The following KLK9 variants were observed in gnomAD, a reference collection of about 807,000 sequenced individuals.
KLK9 encodes kallikrein related peptidase 9, also known as kallikrein-9.
In KLK9, 26 loss-of-function variants were observed where a neutral mutation model predicts 23.3. That is an observed-to-expected ratio of 1.12 (90% CI 0.82 to 1.55). KLK9 has a LOEUF of 1.55. Among genes scored for constraint, KLK9 ranks in the 40% most tolerant of loss-of-function variants. The pLI is 0.00. For missense variants in KLK9, 346 were observed against 333.7 expected, an observed-to-expected ratio of 1.04 and a Z score of -0.29; for synonymous variants, 122 against 128.5, an observed-to-expected ratio of 0.95 and a Z score of 0.34.
At position 51,003,117 on chromosome 19, in the gene KLK9, C is replaced by G. The variant is rs200431645; in HGVS notation, c.747G>C (p.Glu249Asp). 1.9e-6 allele frequency: 3 copies of G among 1,608,820 alleles called. No individual in the cohort carries two copies. In the East Asian group the frequency reaches 6.7e-5, roughly 36 times the overall value. Residue 249 changes from glutamate to aspartate, a missense_variant, in exon 5 of 5, where the codon GAG (glutamate) becomes GAC (aspartate). By Grantham distance (45) the Glu-to-Asp change is conservative. Coordinates refer to ENST00000594211, the MANE Select transcript of KLK9 (RefSeq NM_012315.2). ...HYLDWIQEIMEN is the reference protein window; with the variant it reads ...HYLDWIQEIMDN ...GCCCCCGTGGCGCGCGGGCTCAGTTCTCCATGATTTCTTGGATCCAGTCAA... is the reference window on the plus strand; with the variant it reads ...GCCCCCGTGGCGCGCGGGCTCAGTTGTCCATGATTTCTTGGATCCAGTCAA...
At position 51,009,463 on chromosome 19, in the gene KLK9, C is replaced by G; in HGVS notation, c.43+42G>C. On this transcript the variant is annotated intron_variant, in intron 1 of 4. Transcript: ENST00000594211. The surrounding 1 kb of genome is among the most constrained non-coding windows in gnomAD (Gnocchi z 4.8). ...GGATGGGAGGGAAGAGCAAGGTGAC[C>G]TTAGTACAGCCGTGAAGGGGCAGCC... 6.3e-7 allele frequency: 1 copy of G among 1,589,348 alleles called. No individual in the cohort carries two copies. The highest frequency in any genetic ancestry group is 8.6e-7 in the Non-Finnish European group (1 of 1,167,934).
Position 51,009,192 on chromosome 19 carries a change from C to A in KLK9, c.191G>T (p.Cys64Phe). 6.2e-7 allele frequency: 1 copy of A among 1,606,946 alleles called. No homozygotes were observed. Among genetic ancestry groups the A allele is most frequent in the African/African-American group, 1.3e-5 (1 of 74,902 alleles). Residue 64 changes from cysteine to phenylalanine, a missense_variant, in exon 2 of 5, where the codon TGC (cysteine) becomes TTC (phenylalanine). By Grantham distance (205) the Cys-to-Phe change is radical. Transcript: ENST00000594211. This position sits in a 1 kb window ranked among gnomAD's most constrained non-coding sequence, Gnocchi z 4.8. ...AGCCTGGGTCACTCACGGCTTGCGG[C>A]AGTGGGCAGCTGTGAGCAGCCAGCG... Reference protein sequence around the residue: ...SDRWLLTAAHCRKPYLWVRLG... With the variant: ...SDRWLLTAAHFRKPYLWVRLG...
At chr19:51,004,119 C>A (rs546310415) in intron 3 of KLK9, among the ~76,000 whole-genome samples, 6 of 151,904 alleles carry the variant, frequency 3.9e-5, no homozygotes, top group African/African-American at 1.4e-4. Flanking sequence ...GCCGGCGGAT[C>A]GCTTGAGGTC....
rs150052150 is a variant in KLK9, at chr19:51,008,054, G to C, written c.200+1129C>G. Reference sequence around the variant, plus strand: ...GACAAAAAGACTAGAATTTTGGCTGGGCGCGGTGGCTCACGCCTGTAATCC... The same window carrying C: ...GACAAAAAGACTAGAATTTTGGCTGCGCGCGGTGGCTCACGCCTGTAATCC... On this transcript the variant is annotated intron_variant, in intron 2 of 4. Transcript: ENST00000594211. Among the ~76,000 whole-genome samples the C allele has an allele frequency of 2.8e-4, 42 of 151,976 alleles. No individual in the cohort carries two copies. The East Asian group carries it at 5.6e-3, about 20-fold the overall frequency.
At position 51,006,710 on chromosome 19, in the gene KLK9, G is replaced by A. The variant is rs201756678; in HGVS notation, c.214C>T (p.Arg72Cys). ...TTCCAGAGGTGGTGCTCTCCAAGGC[G>A]GACCCACAGATACCTGCTGGGACAG... is the stretch of plus-strand genomic sequence containing the variant. The part of the protein sequence containing the change: ...AHCRKPYLWV[R>C]LGEHHLWKWE... Residue 72 changes from arginine to cysteine, a missense_variant, in exon 3 of 5, where the codon CGC (arginine) becomes TGC (cysteine). By Grantham distance (180) the Arg-to-Cys change is radical. Coordinates refer to ENST00000594211, the MANE Select transcript of KLK9 (RefSeq NM_012315.2). This position sits in a 1 kb window ranked among gnomAD's most constrained non-coding sequence, Gnocchi z 4.1. The A allele has an allele frequency of 1.2e-4, 190 of 1,587,762 alleles. 3 individuals are homozygous for A. Among genetic ancestry groups the A allele is most frequent in the Middle Eastern group, 3.4e-4 (2 of 5,934 alleles).
chr19:51,008,473 C>T (rs973302324), intron 2 of KLK9, among the ~76,000 whole-genome samples: 8 of 151,580 alleles, frequency 5.3e-5, no homozygotes, highest in African/African-American at 1.5e-4. Flanking sequence ...TTCTAGGATA[C>T]TGTGAATCAA....
Position 51,006,764 on chromosome 19 carries a change from A to G in KLK9, c.201-41T>C, listed in dbSNP as rs2091257379. ...TCAGAGGTCAAGCTGGGGGAAAGGT[A>G]AAAGTCCTTTCAGCCCCAGCCCTCT... On this transcript the variant is annotated intron_variant, in intron 2 of 4. Transcript: ENST00000594211. The surrounding 1 kb of genome is among the most constrained non-coding windows in gnomAD (Gnocchi z 4.1). 1 of 1,520,874 alleles carries G rather than the reference A, an allele frequency of 6.6e-7. No individual in the cohort carries two copies. Among genetic ancestry groups the G allele is most frequent in the Non-Finnish European group, 8.8e-7 (1 of 1,133,390 alleles). The allele number at this position is 1,520,874 out of a possible 1,614,324, so 94.2% of individuals were successfully genotyped here.
At position 51,009,257 on chromosome 19, in the gene KLK9, G is replaced by A; in HGVS notation, c.126C>T (p.His42=). 4.3e-6 allele frequency: 7 copies of A among 1,609,922 alleles called. No homozygotes were observed. Among genetic ancestry groups the A allele is most frequent in the Non-Finnish European group, 5.9e-6 (7 of 1,178,732 alleles). ...NSQPWQAGLF[H]LTRLFCGATL... is the part of the protein sequence containing the mutation. ...TCGCCCCACAGAAGAGCCGAGTAAG[G>A]TGGAAGAGGCCGGCCTGCCAAGGCT... The change falls in exon 2 of 5, where the codon CAC becomes CAT. Residue 42 remains histidine (H), a synonymous_variant. Transcript: ENST00000594211. This position sits in a 1 kb window ranked among gnomAD's most constrained non-coding sequence, Gnocchi z 4.8.
chr19:51,009,231 G>A lies in KLK9; in HGVS notation c.152C>T (p.Thr51Ile), dbSNP rs778184487. 4 of 1,610,366 alleles carry A rather than the reference G, an allele frequency of 2.5e-6. No individual in the cohort carries two copies. The East Asian group carries it at 8.9e-5, about 36-fold the overall frequency. Reference sequence around the variant, plus strand: ...GAGCAGCCAGCGGTCACTGATGAGGGTCGCCCCACAGAAGAGCCGAGTAAG... The same window carrying A: ...GAGCAGCCAGCGGTCACTGATGAGGATCGCCCCACAGAAGAGCCGAGTAAG... ...FHLTRLFCGA[T>I]LISDRWLLTA... is the part of the protein sequence containing the mutation. The change falls in exon 2 of 5, where the codon ACC (threonine) becomes ATC (isoleucine). Residue 51 changes from threonine (T) to isoleucine (I), a missense_variant. Physicochemically the swap from Thr to Ile is moderately conservative, Grantham distance 89. Coordinates refer to ENST00000594211, the MANE Select transcript of KLK9 (RefSeq NM_012315.2). This position sits in a 1 kb window ranked among gnomAD's most constrained non-coding sequence, Gnocchi z 4.8.
In KLK9 at chr19:51,002,748, G is replaced by C. The variant is rs73936110; in HGVS notation, c.*363C>G. ...GAAGGAGGCGGGGCCACAAGGGGTG[G>C]AGTCCCGAGGGGAAGTCCCACTGGG... On this transcript the variant is annotated 3_prime_UTR_variant, in exon 5 of 5. Transcript: ENST00000594211. The C allele has an allele frequency of 0.01, 1,897 of 187,412 alleles. 37 individuals carry two copies. The highest frequency in any genetic ancestry group is 0.042 in the African/African-American group (1,796 of 43,000). The allele number at this position is 187,412 out of a possible 1,614,324, so 11.6% of individuals were successfully genotyped here.
Position 51,006,380 on chromosome 19 carries a change from G to C in KLK9, c.466+78C>G, listed in dbSNP as rs1391947171. On this transcript the variant is annotated intron_variant, in intron 3 of 4. Coordinates refer to ENST00000594211, the MANE Select transcript of KLK9 (RefSeq NM_012315.2). This position sits in a 1 kb window ranked among gnomAD's most constrained non-coding sequence, Gnocchi z 4.1. ...ACAGAGAGAGAGAGGAGAGAGAAAAGGAGAAGACAGAGATGAAAAGGCAGA... is the reference window on the plus strand; with the variant it reads ...ACAGAGAGAGAGAGGAGAGAGAAAACGAGAAGACAGAGATGAAAAGGCAGA... The C allele has an allele frequency of 7.5e-7, 1 of 1,334,528 alleles. No individual in the cohort carries two copies. The highest frequency in any genetic ancestry group is 2.7e-5 in the Admixed American group (1 of 36,576). The allele number at this position is 1,334,528 out of a possible 1,614,324, so 82.7% of individuals were successfully genotyped here.
chr19:51,003,630 G>T, intron 4 of KLK9, 74 bp downstream of exon 4: 1 of 1,335,316 alleles, frequency 7.5e-7, no homozygotes, highest in Non-Finnish European at 1.0e-6. Flanking sequence ...AAGGCTGGGG[G>T]CCGACCCCTC....
rs765008197 is a variant in KLK9 at position 51,009,208 on chromosome 19, G to A, written c.175C>T (p.Leu59Phe). ...GATLISDRWL[L>F]TAAHCRKPYL... ...GGCTTGCGGCAGTGGGCAGCTGTGAGCAGCCAGCGGTCACTGATGAGGGTC... is the reference window on the plus strand; with the variant it reads ...GGCTTGCGGCAGTGGGCAGCTGTGAACAGCCAGCGGTCACTGATGAGGGTC... The change falls in exon 2 of 5, where the codon CTC (leucine) becomes TTC (phenylalanine). Residue 59 changes from leucine to phenylalanine, a missense_variant. Coordinates refer to ENST00000594211, the MANE Select transcript of KLK9 (RefSeq NM_012315.2). This position sits in a 1 kb window ranked among gnomAD's most constrained non-coding sequence, Gnocchi z 4.8. The A allele has an allele frequency of 1.2e-4, 201 of 1,609,020 alleles. 1 individual carries two copies. Among genetic ancestry groups the A allele is most frequent in the Non-Finnish European group, 1.5e-4 (178 of 1,179,028 alleles).
In KLK9 at chr19:51,006,507, T is replaced by C. The variant is rs760186740; in HGVS notation, c.417A>G (p.Pro139=). The change falls in exon 3 of 5, where the codon CCA becomes CCG. Residue 139 remains proline (P), a synonymous_variant. Transcript: ENST00000594211. The surrounding 1 kb of genome is among the most constrained non-coding windows in gnomAD (Gnocchi z 4.1). ...AGCCTGAGATGAGACACTGCATGCC[T>C]GGGGAGACACAGGTCTGGCTGAGGT... The part of the protein sequence containing the change: ...PLNLSQTCVS[P]GMQCLISGWG... The C allele has an allele frequency of 3.1e-6, 5 of 1,613,046 alleles. No individual in the cohort carries two copies. In the South Asian group the frequency reaches 5.5e-5, roughly 18 times the overall value.
intron 3 of KLK9, among the ~76,000 whole-genome samples, chr19:51,004,505 C>G (rs1056051796): frequency 1.2e-4 from 18 of 150,876 alleles, no homozygotes; most frequent in African/African-American, 4.1e-4. Flanking sequence ...TTGAGACCAT[C>G]CTGGCCAACA....
At chr19:51,008,358 A>AAAAG (rs1568559642) in intron 2 of KLK9, among the ~76,000 whole-genome samples, 62 of 148,942 alleles carry the variant, frequency 4.2e-4, no homozygotes, top group African/African-American at 1.4e-3. Flanking sequence ...AAAAAAAAAA[A>AAAAG]AAAGAAAGAC....
chr19:51,008,337 CAAAAAAAAAAA>C lies in KLK9; in HGVS notation c.200+835_200+845del, dbSNP rs34275672. On this transcript the variant is annotated intron_variant, in intron 2 of 4. Transcript: ENST00000594211. ...TGGGAGATAGAGGGAGACTCTGTCT[CAAAAAAAAAAA>C]AAAAAAAAAAAAAGAAAGACTAGAA... 9.8e-5 allele frequency among the ~76,000 whole-genome samples: 7 copies of C among 71,732 alleles called. No homozygotes were observed. The South Asian group carries it at 4.5e-3, about 46-fold the overall frequency. The allele number at this position is 71,732 out of a possible 152,430, so 47.1% of individuals were successfully genotyped here. A position where few individuals can be genotyped will look rare whatever the true frequency, so the allele number is the denominator to read the frequency against.
rs1568559636 is a variant in KLK9, at chr19:51,008,356, A to AAAAAAG, written c.200+821_200+826dup. 4.0e-5 allele frequency among the ~76,000 whole-genome samples: 6 copies of AAAAAAG among 149,246 alleles called. 1 individual carries two copies. The highest frequency in any genetic ancestry group is 4.5e-5 in the Non-Finnish European group (3 of 67,328). On this transcript the variant is annotated intron_variant, in intron 2 of 4. Coordinates refer to ENST00000594211, the MANE Select transcript of KLK9 (RefSeq NM_012315.2). ...CTGTCTCAAAAAAAAAAAAAAAAAAAAAAAAGAAAGACTAGAATGTCATCA... is the reference window on the plus strand; with the variant it reads ...CTGTCTCAAAAAAAAAAAAAAAAAAAAAAAAGAAAAAGAAAGACTAGAATGTCATCA...
In KLK9 at chr19:51,006,621, C is replaced by G; in HGVS notation, c.303G>C (p.Lys101Asn). Residue 101 changes from lysine to asparagine, a missense_variant, in exon 3 of 5, where the codon AAG (lysine) becomes AAC (asparagine). Physicochemically the swap from Lys to Asn is moderately conservative, Grantham distance 94. Coordinates refer to ENST00000594211, the MANE Select transcript of KLK9 (RefSeq NM_012315.2). This position sits in a 1 kb window ranked among gnomAD's most constrained non-coding sequence, Gnocchi z 4.1. ...TDFFPHPGFN[K>N]DLSANDHNDD... ...CATTGTGGTCATTGGCGCTGAGGTC[C>G]TTGTTGAAGCCAGGGTGGGGGAAGA... 6.2e-7 allele frequency: 1 copy of G among 1,613,274 alleles called. No individual in the cohort carries two copies. The highest frequency in any genetic ancestry group is 1.1e-5 in the South Asian group (1 of 91,076).
Sources: gnomAD v4.1 joint callset for allele counts (sites outside exome capture counted in the v4.1 genomes callset) on GRCh38, gnomAD v4.1.1 for gene constraint, Gnocchi (gnomAD v3.1) non-coding constraint, MANE v1.5 for transcripts, NCBI Gene and HGNC (gene_info 2026-07-23, HGNC 2026-07-21) for gene names.